Variants in ZDHHC20 observed in about 807,000 individuals in gnomAD.
ZDHHC20 encodes the protein zDHHC palmitoyltransferase 20.
In ZDHHC20, 43 loss-of-function variants were observed where a neutral mutation model predicts 57.8. The observed-to-expected ratio is 0.74, with a 90% CI of 0.58 to 0.96. The LOEUF (loss-of-function observed/expected upper bound fraction) is 0.96. ZDHHC20 is among the 40% of genes least tolerant of loss of function. The probability of loss-of-function intolerance (pLI) is 0.00; values close to 1 mark genes in which losing one functional copy is unlikely to be tolerated. For synonymous variants in ZDHHC20, 157 were observed against 153.0 expected (o/e 1.03, Z -0.19); for missense variants, 391 against 441.1 (o/e 0.89, Z 1.02).
chr13:21,444,219 G>C (rs1366708128), intron 1 of ZDHHC20, among the ~76,000 whole-genome samples: 2 of 152,162 alleles, frequency 1.3e-5, no homozygotes, highest in African/African-American at 4.8e-5. Flanking sequence ...TCACCTCCCT[G>C]GTTTCACGTT....
intron 4 of ZDHHC20, among the ~76,000 whole-genome samples, chr13:21,410,116 T>TA (rs1370095785): frequency 2.0e-5 from 3 of 152,232 alleles, no homozygotes; most frequent in Non-Finnish European, 2.9e-5. Context: ...TTCTGTTTGT[T>TA]AGTCTTCCTT....
chr13:21,431,782 A>G (rs1881984133), intron 1 of ZDHHC20, among the ~76,000 whole-genome samples: 1 of 152,206 alleles, frequency 6.6e-6, no homozygotes, highest in Admixed American at 6.5e-5. Flanking sequence ...GTGAAGTTAT[A>G]TGTTCAATGG....
At chr13:21,387,163 C>T (rs560659396) in intron 9 of ZDHHC20, among the ~76,000 whole-genome samples, 115 of 152,210 alleles carry the variant, frequency 7.6e-4, no homozygotes, top group African/African-American at 2.6e-3. Flanking sequence ...ATACACAATT[C>T]ATTTCTGTGA....
At chr13:21,416,280 T>C (rs2137882199) in intron 3 of ZDHHC20, among the ~76,000 whole-genome samples, 1 of 148,514 alleles carries the variant, frequency 6.7e-6, no homozygotes, top group South Asian at 2.1e-4. Context: ...TCAAGAGACA[T>C]CAGAATTTTA....
chr13:21,390,612 T>C (rs528248577), intron 8 of ZDHHC20, among the ~76,000 whole-genome samples: 1 of 152,168 alleles, frequency 6.6e-6, no homozygotes, highest in South Asian at 2.1e-4. Context: ...GTAAAGAATA[T>C]ATATGGGCTG....
At chr13:21,396,520 G>A (rs914749722) in intron 7 of ZDHHC20, among the ~76,000 whole-genome samples, 50 of 152,044 alleles carry the variant, frequency 3.3e-4, no homozygotes, top group Admixed American at 9.8e-4. Flanking sequence ...ACAAAAGAAA[G>A]CAGAAATGTA....
chr13:21,415,426 A>T lies in ZDHHC20; in HGVS notation c.250-1654T>A, dbSNP rs143622341. On this transcript the variant is annotated intron_variant, in intron 3 of 12. Coordinates refer to ENST00000400590, the MANE Select transcript of ZDHHC20 (RefSeq NM_001330059.2). ...CAAGCAAAGTGTGATGGGACAAGAA[A>T]CCCCCAAATTACTTATGGGGGACAA... Among the ~76,000 whole-genome samples, 111 of 152,286 alleles carry T rather than the reference A, an allele frequency of 7.3e-4. 1 individual carries two copies. In the East Asian group the frequency reaches 0.02, roughly 27 times the overall value.
chr13:21,423,169 C>A (rs1460058362), intron 2 of ZDHHC20, among the ~76,000 whole-genome samples: 1 of 152,170 alleles, frequency 6.6e-6, no homozygotes, highest in Non-Finnish European at 1.5e-5. Context: ...ACGTTTTAAA[C>A]CATCATCTTA....
rs752020724 is a variant in ZDHHC20, at chr13:21,457,246, C to T, written c.118+1808G>A. ...CCATCTACAGGTTAAGCTGTGGAAT[C>T]TCAACATAAATGCACATTTTTAGTG... On this transcript the variant is annotated intron_variant, in intron 1 of 12. Transcript: ENST00000400590. Among the ~76,000 whole-genome samples, 8 of 152,206 alleles carry T rather than the reference C, an allele frequency of 5.3e-5. No homozygotes were observed. The South Asian group carries it at 1.2e-3, about 24-fold the overall frequency.
chr13:21,404,209 G>C (rs557684592), intron 4 of ZDHHC20: 1 of 440,996 alleles, frequency 2.3e-6, no homozygotes, highest in African/African-American at 2.0e-5. Flanking sequence ...ATTTATGACT[G>C]GGTGCGGTGG....
rs1168174454 is a variant in ZDHHC20, at chr13:21,448,496, G to C, written c.118+10558C>G. 4.8e-4 allele frequency among the ~76,000 whole-genome samples: 48 copies of C among 100,084 alleles called. 2 individuals carry two copies. Among genetic ancestry groups the C allele is most frequent in the South Asian group, 1.7e-3 (5 of 2,986 alleles). 65.7% of individuals were successfully genotyped at this position (100,084 alleles called of 152,430 possible). ...GGTCAGCCCCGCCGCCCGGCCAGCC[G>C]CCCCGTCCGGGAGGTGAGGGGCACC... On this transcript the variant is annotated intron_variant, in intron 1 of 12. Coordinates refer to ENST00000400590, the MANE Select transcript of ZDHHC20 (RefSeq NM_001330059.2).
At position 21,459,051 on chromosome 13, in the gene ZDHHC20, C is replaced by T. The variant is rs1176202871; in HGVS notation, c.118+3G>A. The T allele has an allele frequency of 6.3e-7, 1 of 1,592,416 alleles. No homozygotes were observed. The highest frequency in any genetic ancestry group is 1.1e-5 in the South Asian group (1 of 88,642). On this transcript the variant is annotated splice_donor_region_variant and intron_variant, in intron 1 of 12. Transcript: ENST00000400590. ...CGCCGCAGTCCCCGGGGACGGTACT[C>T]ACACACGCAGAGCTCCACCACGTAC...
chr13:21,395,330 T>TA (rs1876588303), intron 7 of ZDHHC20, among the ~76,000 whole-genome samples: 3 of 151,902 alleles, frequency 2.0e-5, no homozygotes, highest in Non-Finnish European at 2.9e-5. Flanking sequence ...CCTCCCAAAG[T>TA]GCTGGGATTA....
chr13:21,413,667 T>C lies in ZDHHC20; in HGVS notation c.355A>G (p.Thr119Ala), dbSNP rs756143092. The C allele has an allele frequency of 6.3e-7, 1 of 1,594,632 alleles. No individual in the cohort carries two copies. Among genetic ancestry groups the C allele is most frequent in the Admixed American group, 1.8e-5 (1 of 56,366 alleles). The change falls in exon 4 of 13, where the codon ACA becomes GCA. Residue 119 changes from threonine to alanine, a missense_variant. Around this residue, in one of 3 missense-constraint regions of ZDHHC20, gnomAD observed 185 missense variants for 188.0 expected, o/e 0.98. Transcript: ENST00000400590. ...TTTTTCTTACTTTTTGAAGCTGATG[T>C]GGTATAGATAGGTAAAGCTCTTGCT... Reference protein sequence around the residue: ...RAARALPIYTTSASKTIRYCE... With the variant: ...RAARALPIYTASASKTIRYCE...
chr13:21,443,102 C>T (rs769946734), intron 1 of ZDHHC20, among the ~76,000 whole-genome samples: 2 of 152,176 alleles, frequency 1.3e-5, no homozygotes, highest in African/African-American at 2.4e-5. Context: ...TATCCTCTAT[C>T]GCTTTGATAC....
At chr13:21,381,599 G>T (rs749432500) in intron 10 of ZDHHC20, 50 bp from the exon 11 acceptor site, 2 of 1,244,342 alleles carry the variant, frequency 1.6e-6, no homozygotes, top group Non-Finnish European at 2.3e-6. Flanking sequence ...CTCAACTATG[G>T]ATACTTAATA....
chr13:21,441,962 G>A (rs1883217138), intron 1 of ZDHHC20, among the ~76,000 whole-genome samples: 1 of 152,106 alleles, frequency 6.6e-6, no homozygotes, highest in Non-Finnish European at 1.5e-5. Context: ...CCAAGTAATA[G>A]ACATAGTAGG....
chr13:21,413,605 C>G (rs1879525220), intron 4 of ZDHHC20, 47 bp downstream of exon 4: 1 of 1,534,436 alleles, frequency 6.5e-7, no homozygotes, highest in Non-Finnish European at 8.8e-7. Flanking sequence ...CAGGAATAAG[C>G]ATACTTTAAA....
At chr13:21,445,824 G>GA (rs559093801) in intron 1 of ZDHHC20, among the ~76,000 whole-genome samples, 1 of 152,196 alleles carries the variant, frequency 6.6e-6, no homozygotes, top group African/African-American at 2.4e-5. Context: ...TATGAGGGGG[G>GA]AAAAATGCAG....
Sources: gnomAD v4.1 joint callset for allele counts (sites outside exome capture counted in the v4.1 genomes callset) on GRCh38, gnomAD v4.1.1 for gene constraint, gnomAD v4.1.1 regional missense constraint, MANE v1.5 for transcripts, NCBI Gene and HGNC (gene_info 2026-07-23, HGNC 2026-07-21) for gene names.